COG5: variants seen among roughly 807,000 people sequenced by gnomAD.
COG5 encodes conserved oligomeric Golgi complex subunit 5.
Under a neutral mutation model 110.4 loss-of-function variants are expected in COG5, and 86 were observed. The observed-to-expected ratio is 0.78, with a 90% confidence interval of 0.65 to 0.93. The LOEUF (loss-of-function observed/expected upper bound fraction) is 0.93, where lower values mean the gene tolerates loss of function less well. Ranked by LOEUF, COG5 falls within the 40% of genes least tolerant of loss-of-function variation. The pLI is 0.00. For synonymous variants in COG5, 360 were observed against 334.6 expected (o/e 1.08, Z -0.83); for missense variants, 1,077 against 987.0 (o/e 1.09, Z -1.22).
chr7:107,555,429 A>G (rs1803234607), intron 2 of COG5, among the ~76,000 whole-genome samples: 1 of 152,178 alleles, frequency 6.6e-6, no homozygotes, highest in Admixed American at 6.5e-5. Context: ...CTTGTTTCAG[A>G]TATCACTGTC....
intron 6 of COG5, among the ~76,000 whole-genome samples, chr7:107,500,875 T>C (rs1484561187): frequency 6.6e-6 from 1 of 151,516 alleles, no homozygotes; most frequent in Admixed American, 6.6e-5. Context: ...CCCTGTTGTT[T>C]ATACAATATG....
chr7:107,261,992 G>C (rs1282182885), intron 14 of COG5, among the ~76,000 whole-genome samples: 4 of 151,684 alleles, frequency 2.6e-5, no homozygotes, highest in Admixed American at 6.6e-5. Context: ...CTGGGTTCAA[G>C]TGATTCTTGT....
At chr7:107,460,167 CTGAGGT>C (rs1470682061) in intron 6 of COG5, among the ~76,000 whole-genome samples, 1 of 152,088 alleles carries the variant, frequency 6.6e-6, no homozygotes, top group Non-Finnish European at 1.5e-5. Flanking sequence ...CTTTTGGAGG[CTGAGGT>C]TGGAGGATTG....
rs182628623 is a variant in COG5 at position 107,219,889 on chromosome 7, A to G, written c.2169-8664T>C. Among the ~76,000 whole-genome samples, 304 of 152,324 alleles carry G rather than the reference A, an allele frequency of 2.0e-3. 2 individuals carry two copies. Among genetic ancestry groups the G allele is most frequent in the African/African-American group, 6.9e-3 (287 of 41,574 alleles). ...GGTGATGTTTTAGTTTGAATTAATC[A>G]TCCCACACGGTACACATATAATATC... On this transcript the variant is annotated intron_variant, in intron 19 of 21. Transcript: ENST00000297135.
intron 6 of COG5, 46 bp from the exon 7 acceptor site, chr7:107,412,678 T>C (rs1319141055): frequency 8.6e-7 from 1 of 1,167,818 alleles, no homozygotes; most frequent in Non-Finnish European, 1.2e-6. Context: ...CAATACTGAA[T>C]AAATATCAAG....
At chr7:107,441,186 G>A (rs1054348481) in intron 6 of COG5, among the ~76,000 whole-genome samples, 2 of 143,318 alleles carry the variant, frequency 1.4e-5, no homozygotes, top group Non-Finnish European at 3.0e-5. Context: ...ACCCAGGGGG[G>A]CAAAGGTTGC....
At chr7:107,520,052 T>C (rs1800215625) in intron 6 of COG5, among the ~76,000 whole-genome samples, 2 of 152,058 alleles carry the variant, frequency 1.3e-5, no homozygotes, top group Non-Finnish European at 2.9e-5. Flanking sequence ...AAACATAAGA[T>C]TACCTCAACA....
intron 10 of COG5, among the ~76,000 whole-genome samples, chr7:107,336,447 T>C (rs946267537): frequency 6.6e-6 from 1 of 152,120 alleles, no homozygotes; most frequent in African/African-American, 2.4e-5. Flanking sequence ...TACAGTTAGA[T>C]AGAAGAAATA....
At chr7:107,226,117 TGATGCA>T (rs1800320946) in intron 19 of COG5, among the ~76,000 whole-genome samples, 1 of 152,188 alleles carries the variant, frequency 6.6e-6, no homozygotes, top group South Asian at 2.1e-4. Flanking sequence ...TTTTACCTAG[TGATGCA>T]CTAGGGAGTA....
intron 12 of COG5, among the ~76,000 whole-genome samples, chr7:107,287,141 T>C (rs1245826031): frequency 6.6e-6 from 1 of 152,236 alleles, no homozygotes. Context: ...GACAGTTTAC[T>C]GGCACTGGCA....
chr7:107,254,335 A>C (rs1460920428), intron 16 of COG5, among the ~76,000 whole-genome samples: 1 of 152,128 alleles, frequency 6.6e-6, no homozygotes, highest in Non-Finnish European at 1.5e-5. Context: ...TGACTTATTA[A>C]ATTTCCAACA....
chr7:107,389,215 G>A (rs541749465), intron 7 of COG5, among the ~76,000 whole-genome samples: 2 of 151,970 alleles, frequency 1.3e-5, no homozygotes, highest in Non-Finnish European at 2.9e-5. Flanking sequence ...TTTACCCCCA[G>A]TGGGGTCCCT....
intron 6 of COG5, among the ~76,000 whole-genome samples, chr7:107,483,778 A>G (rs1330079948): frequency 7.2e-5 from 11 of 152,126 alleles, no homozygotes; most frequent in Non-Finnish European, 1.5e-4. Flanking sequence ...CGTTATAGAA[A>G]AATATTTGCC....
intron 7 of COG5, among the ~76,000 whole-genome samples, chr7:107,401,644 G>A (rs1479262924): frequency 6.6e-6 from 1 of 152,094 alleles, no homozygotes; most frequent in African/African-American, 2.4e-5. Context: ...AACAAGAGGG[G>A]AAAAATTACT....
At chr7:107,426,645 T>A (rs7799429) in intron 6 of COG5, among the ~76,000 whole-genome samples, 2,717 of 152,226 alleles carry the variant, frequency 0.018, 72 homozygotes, top group African/African-American at 0.06. Context: ...ACCTAATAAC[T>A]TCTCAAAAGC....
intron 6 of COG5, among the ~76,000 whole-genome samples, chr7:107,457,915 G>A (rs1795764990): frequency 6.6e-6 from 1 of 152,050 alleles, no homozygotes; most frequent in South Asian, 2.1e-4. Flanking sequence ...CAAGGAAGGA[G>A]AGTACACACA....
At chr7:107,480,057 G>A (rs1013160348) in intron 6 of COG5, among the ~76,000 whole-genome samples, 13 of 152,104 alleles carry the variant, frequency 8.5e-5, no homozygotes, top group African/African-American at 3.1e-4. Flanking sequence ...TAATTAAAAT[G>A]TTTTAAAATA....
intron 10 of COG5, among the ~76,000 whole-genome samples, chr7:107,351,698 A>G (rs1812156084): frequency 6.6e-6 from 1 of 152,160 alleles, no homozygotes; most frequent in Non-Finnish European, 1.5e-5. Flanking sequence ...CAGCCAAAAG[A>G]CACATGAAAA....
intron 12 of COG5, among the ~76,000 whole-genome samples, chr7:107,295,066 C>CACAT (rs1366898060): frequency 3.0e-3 from 137 of 45,824 alleles, no homozygotes; most frequent in East Asian, 7.4e-3. Context: ...CACACACACA[C>CACAT]ATATATATAT....
Sources: gnomAD v4.1 joint callset for allele counts (sites outside exome capture counted in the v4.1 genomes callset) on GRCh38, gnomAD v4.1.1 for gene constraint, MANE v1.5 for transcripts, NCBI Gene and HGNC (gene_info 2026-07-23, HGNC 2026-07-21) for gene names.